Variants in PRKN observed in about 807,000 individuals in gnomAD.
The protein encoded by PRKN is E3 ubiquitin-protein ligase parkin.
PRKN carries 56 observed loss-of-function variants against 59.5 expected under a neutral mutation model. The ratio of observed to expected loss-of-function variants is 0.94; its 90% CI spans 0.76 to 1.18. The LOEUF (loss-of-function observed/expected upper bound fraction) is 1.18. Among genes scored for constraint, PRKN ranks in the 50% most tolerant of loss-of-function variants. PRKN has a pLI of 0.00. For missense variants in PRKN, 657 were observed against 596.4 expected, an observed-to-expected ratio of 1.10 and a Z score of -1.06; for synonymous variants, 250 against 222.1, an observed-to-expected ratio of 1.13 and a Z score of -1.12.
At chr6:162,235,489 C>T (rs1477000060) in intron 3 of PRKN, among the ~76,000 whole-genome samples, 1 of 151,984 alleles carries the variant, frequency 6.6e-6, no homozygotes, top group African/African-American at 2.4e-5. Context: ...GGTCTGAGCC[C>T]CTGGAAAACA....
At chr6:161,856,806 A>G (rs1345765009) in intron 6 of PRKN, among the ~76,000 whole-genome samples, 5 of 152,192 alleles carry the variant, frequency 3.3e-5, no homozygotes, top group Non-Finnish European at 7.3e-5. Flanking sequence ...CATAAAATAA[A>G]AGCTCTCAAG....
chr6:162,101,659 G>A (rs897919490), intron 4 of PRKN, among the ~76,000 whole-genome samples: 5 of 151,752 alleles, frequency 3.3e-5, no homozygotes, highest in Admixed American at 6.6e-5. Context: ...GCAACAGAGC[G>A]AGACTCCGTC....
intron 7 of PRKN, among the ~76,000 whole-genome samples, chr6:161,628,083 C>T (rs1449467729): frequency 6.6e-6 from 1 of 152,054 alleles, no homozygotes; most frequent in Non-Finnish European, 1.5e-5. Context: ...TGGAAGTATA[C>T]AATACTTCTA....
chr6:161,726,156 G>A lies in PRKN; in HGVS notation c.871+59616C>T, dbSNP rs533689875. ...ACACTCATTCCTGCAGAGAGGGACT[G>A]AAATAAAATTTAGTTCACTTTCTGT... On this transcript the variant is annotated intron_variant, in intron 7 of 11. Coordinates refer to ENST00000366898, the MANE Select transcript of PRKN (RefSeq NM_004562.3). 5.3e-5 allele frequency among the ~76,000 whole-genome samples: 8 copies of A among 152,314 alleles called. No individual in the cohort carries two copies. The South Asian group carries it at 1.7e-3, about 32-fold the overall frequency.
chr6:161,590,226 C>T (rs762973602), intron 7 of PRKN, among the ~76,000 whole-genome samples: 3 of 152,154 alleles, frequency 2.0e-5, no homozygotes, highest in Non-Finnish European at 4.4e-5. Flanking sequence ...CCAAGTTCAT[C>T]CCACCAGTAA....
chr6:162,213,324 T>C (rs1161381590), intron 3 of PRKN, among the ~76,000 whole-genome samples: 6 of 152,098 alleles, frequency 3.9e-5, no homozygotes, highest in Non-Finnish European at 8.8e-5. Context: ...AAGACAAGCC[T>C]CCCTTTAACA....
chr6:162,023,090 G>T (rs1203865974), intron 5 of PRKN, among the ~76,000 whole-genome samples: 3 of 151,992 alleles, frequency 2.0e-5, no homozygotes, highest in Non-Finnish European at 4.4e-5. Context: ...TGGGGGTGTG[G>T]CTTGCTTCTT....
rs115127364 is a variant in PRKN, at chr6:161,556,494, G to A, written c.934-7491C>T. Reference sequence around the variant, plus strand: ...CAAAGATCCTTACTAAGTTACCTTCGAGATATAATCCACAGTTTTCATAGA... The same window carrying A: ...CAAAGATCCTTACTAAGTTACCTTCAAGATATAATCCACAGTTTTCATAGA... On this transcript the variant is annotated intron_variant, in intron 8 of 11. Transcript: ENST00000366898. Among the ~76,000 whole-genome samples, 954 of 152,204 alleles carry A rather than the reference G, an allele frequency of 6.3e-3. 10 individuals are homozygous for A. Among genetic ancestry groups the A allele is most frequent in the African/African-American group, 0.022 (894 of 41,536 alleles).
chr6:161,691,901 A>G lies in PRKN; in HGVS notation c.871+93871T>C, dbSNP rs149519161. On this transcript the variant is annotated intron_variant, in intron 7 of 11. Transcript: ENST00000366898. Reference sequence around the variant, plus strand: ...TACTGATTTTGGGGTTACAAATAAGACTTAGCGAGTGGGCAAACAGCAAAG... The same window carrying G: ...TACTGATTTTGGGGTTACAAATAAGGCTTAGCGAGTGGGCAAACAGCAAAG... Among the ~76,000 whole-genome samples the G allele has an allele frequency of 6.6e-5, 10 of 151,284 alleles. No homozygotes were observed. In the East Asian group the frequency reaches 1.9e-3, roughly 29 times the overall value.
chr6:161,786,495 T>C (rs924512802), intron 6 of PRKN, among the ~76,000 whole-genome samples: 1 of 152,092 alleles, frequency 6.6e-6, no homozygotes, highest in Non-Finnish European at 1.5e-5. Flanking sequence ...TTACTAGTAA[T>C]CCCATAAACA....
chr6:162,195,331 A>G (rs921938041), intron 4 of PRKN, among the ~76,000 whole-genome samples: 3 of 152,212 alleles, frequency 2.0e-5, no homozygotes, highest in African/African-American at 7.2e-5. Context: ...CCATGTGAAA[A>G]CTAGAAAGTA....
At chr6:162,687,980 A>G (rs944589224) in intron 1 of PRKN, among the ~76,000 whole-genome samples, 1 of 152,230 alleles carries the variant, frequency 6.6e-6, no homozygotes, top group Non-Finnish European at 1.5e-5. Flanking sequence ...TGGAGTAAAA[A>G]AAATTATGGT....
intron 5 of PRKN, among the ~76,000 whole-genome samples, chr6:161,991,870 C>T (rs193273822): frequency 5.7e-4 from 86 of 151,886 alleles, no homozygotes; most frequent in Middle Eastern, 6.8e-3. Context: ...AAAGCAACAA[C>T]AAAAAAATGG....
intron 7 of PRKN, among the ~76,000 whole-genome samples, chr6:161,748,455 GA>G (rs1248069366): frequency 2.0e-5 from 3 of 151,724 alleles, no homozygotes; most frequent in African/African-American, 7.3e-5. Context: ...CTAATCTAAA[GA>G]AAATATTGGC....
intron 1 of PRKN, among the ~76,000 whole-genome samples, chr6:162,698,615 G>C (rs1778049161): frequency 6.6e-6 from 1 of 152,136 alleles, no homozygotes; most frequent in Admixed American, 6.6e-5. Context: ...AGGTGCTGCA[G>C]TTGGCCCCAG....
At chr6:161,415,459 G>T (rs973999116) in intron 9 of PRKN, among the ~76,000 whole-genome samples, 11 of 151,992 alleles carry the variant, frequency 7.2e-5, no homozygotes, top group Admixed American at 7.2e-4. Flanking sequence ...AACCCTTTAC[G>T]TGAGTCAACT....
At chr6:161,936,155 T>C (rs1196628225) in intron 6 of PRKN, among the ~76,000 whole-genome samples, 1 of 150,288 alleles carries the variant, frequency 6.7e-6, no homozygotes, top group Non-Finnish European at 1.5e-5. Flanking sequence ...TACCAAAAGG[T>C]GGAAGTGGTC....
At chr6:161,691,368 G>A (rs1785787058) in intron 7 of PRKN, among the ~76,000 whole-genome samples, 1 of 152,206 alleles carries the variant, frequency 6.6e-6, no homozygotes, top group Non-Finnish European at 1.5e-5. Flanking sequence ...GGCAGGTTCA[G>A]TTCTACTTTT....
chr6:162,470,062 A>G (rs1057441869), intron 1 of PRKN, among the ~76,000 whole-genome samples: 1 of 152,102 alleles, frequency 6.6e-6, no homozygotes, highest in Non-Finnish European at 1.5e-5. Flanking sequence ...AGGCCTGACT[A>G]TCAGTGCTGT....
Sources: allele counts gnomAD v4.1 joint callset (sites outside exome capture counted in the v4.1 genomes callset), GRCh38; gene constraint gnomAD v4.1.1; transcripts MANE v1.5; gene names NCBI Gene and HGNC (gene_info 2026-07-23, HGNC 2026-07-21).